FRMD3: variants seen among roughly 807,000 people sequenced by gnomAD.
The protein encoded by FRMD3 is FERM domain containing 3.
FRMD3 carries 33 observed loss-of-function variants against 70.2 expected under a neutral mutation model. The observed-to-expected ratio is 0.47, with a 90% CI of 0.36 to 0.63. The LOEUF is 0.63. Among genes scored for constraint, FRMD3 ranks in the 20% least tolerant of loss-of-function variants. The pLI is 0.00. For synonymous variants in FRMD3, 279 were observed against 255.9 expected (o/e 1.09, Z -0.86); for missense variants, 632 against 711.4 (o/e 0.89, Z 1.27).
intron 3 of FRMD3, among the ~76,000 whole-genome samples, chr9:83,361,706 G>A (rs1008599711): frequency 6.6e-6 from 1 of 152,194 alleles, no homozygotes; most frequent in Non-Finnish European, 1.5e-5. Flanking sequence ...TAATTACAAT[G>A]CATTCATATT....
chr9:83,567,595 C>T, the FRMD3 span, among the ~76,000 whole-genome samples: 2 of 152,152 alleles, frequency 1.3e-5, no homozygotes, highest in South Asian at 2.1e-4. Flanking sequence ...ACCCAAGTCA[C>T]CTTTTGAATG....
intron 3 of FRMD3, among the ~76,000 whole-genome samples, chr9:83,365,016 A>T (rs1214063692): frequency 6.6e-6 from 1 of 152,118 alleles, no homozygotes; most frequent in African/African-American, 2.4e-5. Flanking sequence ...TCTATATCTT[A>T]ATTACTATAT....
rs557055899 is a variant in FRMD3 at position 83,537,848 on chromosome 9, G to A, written c.147+237C>T. ...AGTGAGACGCGCGCGCAGGGTGCAC[G>A]CGAGGGGAAGGAGACTGGGCGCGGA... On this transcript the variant is annotated intron_variant, in intron 1 of 13. Transcript: ENST00000304195. This position sits in a 1 kb window ranked among gnomAD's most constrained non-coding sequence, Gnocchi z 4.1. 2.6e-5 allele frequency among the ~76,000 whole-genome samples: 4 copies of A among 151,172 alleles called. No homozygotes were observed. The highest frequency in any genetic ancestry group is 2.0e-4 in the Admixed American group (3 of 15,226).
At chr9:83,375,627 C>T (rs149280735) in intron 2 of FRMD3, among the ~76,000 whole-genome samples, 71 of 152,252 alleles carry the variant, frequency 4.7e-4, no homozygotes, top group African/African-American at 1.6e-3. Flanking sequence ...AAACCAAATA[C>T]CAATACCACA....
At chr9:83,499,670 A>G (rs4877782) in intron 1 of FRMD3, among the ~76,000 whole-genome samples, 106,485 of 152,128 alleles carry the variant, frequency 0.7, 37,651 homozygotes, top group African/African-American at 0.78. Context: ...GGAGCAGCAG[A>G]AGCTTCATTC....
chr9:83,549,074 A>G, the FRMD3 span, among the ~76,000 whole-genome samples: 1 of 151,796 alleles, frequency 6.6e-6, no homozygotes. Flanking sequence ...AGTACCCAAG[A>G]GTTGTGTTTT....
Position 83,458,377 on chromosome 9 carries a change from A to G in FRMD3, c.148-68669T>C, listed in dbSNP as rs113556959. ...ACCCCAGGATCTGGCCAAAGAGTCC[A>G]TTGACAGGCATATCTGTTGGATCAC... On this transcript the variant is annotated intron_variant, in intron 1 of 13. Transcript: ENST00000304195. 7.0e-3 allele frequency among the ~76,000 whole-genome samples: 1,070 copies of G among 152,370 alleles called. 12 individuals carry two copies. The highest frequency in any genetic ancestry group is 0.024 in the African/African-American group (1,007 of 41,584).
chr9:83,507,234 G>T lies in FRMD3; in HGVS notation c.147+30851C>A, dbSNP rs1829203240. Among the ~76,000 whole-genome samples the T allele has an allele frequency of 2.0e-5, 3 of 151,954 alleles. No individual in the cohort carries two copies. The South Asian group carries it at 6.2e-4, about 32-fold the overall frequency. ...ATACAAAAATTAGCTGGGTGTGGTG[G>T]CACATGCCTGTAATCCCAGCTACTC... On this transcript the variant is annotated intron_variant, in intron 1 of 13. Coordinates refer to ENST00000304195, the MANE Select transcript of FRMD3 (RefSeq NM_174938.6).
intron 6 of FRMD3, among the ~76,000 whole-genome samples, chr9:83,327,632 C>A (rs1836072192): frequency 6.6e-6 from 1 of 152,204 alleles, no homozygotes; most frequent in South Asian, 2.1e-4. Flanking sequence ...GCCCTTAGCC[C>A]TGACCTAGGG....
intron 2 of FRMD3, among the ~76,000 whole-genome samples, chr9:83,378,350 T>C (rs1003379465): frequency 6.8e-6 from 1 of 146,516 alleles, no homozygotes; most frequent in African/African-American, 2.5e-5. Flanking sequence ...AGCCTTCAGC[T>C]CACTGCAGCC....
chr9:83,434,026 G>T (rs1827058620), intron 1 of FRMD3, among the ~76,000 whole-genome samples: 1 of 152,176 alleles, frequency 6.6e-6, no homozygotes, highest in Non-Finnish European at 1.5e-5. Context: ...CTCCTCTTTA[G>T]GGCAGCAGAG....
At chr9:83,301,481 T>C (rs1834924058) in intron 10 of FRMD3, among the ~76,000 whole-genome samples, 1 of 151,510 alleles carries the variant, frequency 6.6e-6, no homozygotes, top group East Asian at 1.9e-4. Context: ...GTGTTTTTTT[T>C]TAATTCCAAG....
chr9:83,374,283 G>A (rs1465149297), intron 2 of FRMD3, among the ~76,000 whole-genome samples: 2 of 151,878 alleles, frequency 1.3e-5, no homozygotes, highest in Non-Finnish European at 2.9e-5. Context: ...TCAAATTAGT[G>A]GTTTCTAATC....
chr9:83,243,153 G>A (rs1258429412), downstream of FRMD3: 1 of 1,541,672 alleles, frequency 6.5e-7, no homozygotes, highest in Admixed American at 2.0e-5. Context: ...GGAACATGGA[G>A]AGCCAAGTCT....
intron 6 of FRMD3, among the ~76,000 whole-genome samples, chr9:83,327,407 T>C (rs572523699): frequency 1.4e-4 from 21 of 152,340 alleles, no homozygotes; most frequent in African/African-American, 4.8e-4. Flanking sequence ...CAGGGAGCTG[T>C]CTATGCTTTA....
intron 3 of FRMD3, among the ~76,000 whole-genome samples, chr9:83,359,858 C>G (rs933465091): frequency 6.6e-6 from 1 of 152,294 alleles, no homozygotes. Context: ...GACATGAGTT[C>G]ATGACTGCAA....
the FRMD3 span, among the ~76,000 whole-genome samples, chr9:83,575,737 TA>T: frequency 6.6e-6 from 1 of 152,108 alleles, no homozygotes; most frequent in Non-Finnish European, 1.5e-5. Flanking sequence ...CTATAACAAA[TA>T]AAGAGATTGA....
At chr9:83,341,320 T>C (rs1823746695) in intron 5 of FRMD3, among the ~76,000 whole-genome samples, 1 of 152,106 alleles carries the variant, frequency 6.6e-6, no homozygotes, top group African/African-American at 2.4e-5. Flanking sequence ...ATAATAGCAA[T>C]GAGGGATAAA....
intron 10 of FRMD3, among the ~76,000 whole-genome samples, chr9:83,299,676 G>A (rs1243299148): frequency 6.6e-6 from 1 of 152,254 alleles, no homozygotes; most frequent in African/African-American, 2.4e-5. Context: ...AACTCACTGT[G>A]CATTGCCCAA....
Sources: allele counts gnomAD v4.1 joint callset (sites outside exome capture counted in the v4.1 genomes callset), GRCh38; gene constraint gnomAD v4.1.1; non-coding constraint Gnocchi (gnomAD v3.1); transcripts MANE v1.5; gene names NCBI Gene and HGNC (gene_info 2026-07-23, HGNC 2026-07-21).